SEPTIN9: variants seen among roughly 807,000 people sequenced by gnomAD.
The protein encoded by SEPTIN9 is septin-9.
SEPTIN9 carries 13 observed loss-of-function variants against 56.6 expected under a neutral mutation model. That is an observed-to-expected ratio of 0.23 (90% CI 0.15 to 0.37). The LOEUF (loss-of-function observed/expected upper bound fraction) is 0.37, where lower values mean the gene tolerates loss of function less well. Among genes scored for constraint, SEPTIN9 ranks in the 10% least tolerant of loss-of-function variants. The pLI is 1.00. For synonymous variants in SEPTIN9, 332 were observed against 334.1 expected (o/e 0.99, Z 0.07); for missense variants, 650 against 823.1 (o/e 0.79, Z 2.57).
chr17:77,495,546 G>A (rs1407573315), intron 10 of SEPTIN9, among the ~76,000 whole-genome samples: 2 of 152,226 alleles, frequency 1.3e-5, no homozygotes, highest in East Asian at 3.8e-4. Flanking sequence ...GTCCCTGAGA[G>A]GCGGGTGACG....
intron 2 of SEPTIN9, among the ~76,000 whole-genome samples, chr17:77,368,575 G>A (rs570738730): frequency 9.2e-5 from 14 of 152,286 alleles, no homozygotes; most frequent in East Asian, 5.8e-4. Flanking sequence ...GCCTTCCAAA[G>A]TGCTGGGATT....
chr17:77,461,358 G>T (rs1028240173), intron 3 of SEPTIN9, among the ~76,000 whole-genome samples: 3 of 152,142 alleles, frequency 2.0e-5, no homozygotes, highest in Non-Finnish European at 4.4e-5. Flanking sequence ...GGACCTCTGT[G>T]TCCATTGGCT....
At chr17:77,343,301 T>G (rs1402507981) in intron 2 of SEPTIN9, among the ~76,000 whole-genome samples, 2 of 152,188 alleles carry the variant, frequency 1.3e-5, no homozygotes, top group Non-Finnish European at 2.9e-5. Flanking sequence ...TTTCATGTCA[T>G]GCTTATGTAG....
chr17:77,346,511 A>G (rs1280444942), intron 2 of SEPTIN9, among the ~76,000 whole-genome samples: 2 of 151,826 alleles, frequency 1.3e-5, no homozygotes, highest in East Asian at 1.9e-4. Context: ...TCTTAGAGCT[A>G]TTGATTTCTA....
intron 2 of SEPTIN9, among the ~76,000 whole-genome samples, chr17:77,363,464 T>C (rs984844177): frequency 1.5e-5 from 2 of 132,830 alleles, no homozygotes; most frequent in African/African-American, 5.6e-5. Flanking sequence ...CTTGGCTCAC[T>C]ACCACCTCTG....
chr17:77,364,599 G>C lies in SEPTIN9; in HGVS notation c.77-37460G>C, dbSNP rs79601164. On this transcript the variant is annotated intron_variant, in intron 2 of 11. Transcript: ENST00000427177. ...AGATGGTCAGTGGCAGTGAGGAGAGGGGGGCAGGAAGAGACCAGGGCTGGG... is the reference window on the plus strand; with the variant it reads ...AGATGGTCAGTGGCAGTGAGGAGAGCGGGGCAGGAAGAGACCAGGGCTGGG... 7.3e-3 allele frequency among the ~76,000 whole-genome samples: 1,115 copies of C among 152,328 alleles called. 17 individuals are homozygous for C. The highest frequency in any genetic ancestry group is 0.026 in the African/African-American group (1,062 of 41,568).
chr17:77,325,513 T>C (rs2033100189), intron 2 of SEPTIN9, among the ~76,000 whole-genome samples: 1 of 152,146 alleles, frequency 6.6e-6, no homozygotes, highest in Non-Finnish European at 1.5e-5. Flanking sequence ...ACGTGCTCCC[T>C]ACCGGGAAAG....
rs2037356836 is a variant in SEPTIN9 at position 77,436,791 on chromosome 17, C to T, written c.721+34088C>T. On this transcript the variant is annotated intron_variant, in intron 3 of 11. Coordinates refer to ENST00000427177, the MANE Select transcript of SEPTIN9 (RefSeq NM_001113491.2). This position sits in a 1 kb window ranked among gnomAD's most constrained non-coding sequence, Gnocchi z 4.4. ...GGGGGTTCCTGCAGGGTGAGCTGCC[C>T]ATTCTGGCCCTGGTAAGGACACCCA... Among the ~76,000 whole-genome samples the T allele has an allele frequency of 6.6e-6, 1 of 152,242 alleles. No individual in the cohort carries two copies. The highest frequency in any genetic ancestry group is 1.5e-5 in the Non-Finnish European group (1 of 68,040).
intron 3 of SEPTIN9, among the ~76,000 whole-genome samples, chr17:77,459,413 G>A (rs150996605): frequency 8.1e-4 from 123 of 152,344 alleles, no homozygotes; most frequent in African/African-American, 2.8e-3. Flanking sequence ...AGATGCGGCT[G>A]TGGTTAAGAC....
chr17:77,487,681 T>G lies in SEPTIN9; in HGVS notation c.1042+129T>G. Reference sequence around the variant, plus strand: ...GCTGGGGGTGCAGGACTCCTCTGCCTTCCTGGAGCACAGAGTGGGGGGTCA... The same window carrying G: ...GCTGGGGGTGCAGGACTCCTCTGCCGTCCTGGAGCACAGAGTGGGGGGTCA... On this transcript the variant is annotated intron_variant, in intron 5 of 11. Transcript: ENST00000427177. This position sits in a 1 kb window ranked among gnomAD's most constrained non-coding sequence, Gnocchi z 4.3. 4 of 673,792 alleles carry G rather than the reference T, an allele frequency of 5.9e-6. 1 individual carries two copies. Among genetic ancestry groups the G allele is most frequent in the Non-Finnish European group, 8.6e-6 (4 of 467,696 alleles). 41.7% of individuals were successfully genotyped at this position (673,792 alleles called of 1,614,324 possible).
At chr17:77,386,518 G>A (rs1244613800) in intron 2 of SEPTIN9, among the ~76,000 whole-genome samples, 1 of 152,200 alleles carries the variant, frequency 6.6e-6, no homozygotes, top group South Asian at 2.1e-4. Flanking sequence ...GGGGGTGGGG[G>A]TACCTTGCTC....
Position 77,320,275 on chromosome 17 carries a change from G to T in SEPTIN9, c.76+13078G>T, listed in dbSNP as rs566301461. ...CGACGGGGGTGAGAAAGGGGAGGCCGCCTCTGAGCGGGACGCCGGGACTCC... is the reference window on the plus strand; with the variant it reads ...CGACGGGGGTGAGAAAGGGGAGGCCTCCTCTGAGCGGGACGCCGGGACTCC... On this transcript the variant is annotated intron_variant, in intron 2 of 11. Transcript: ENST00000427177. 2.9e-5 allele frequency: 46 copies of T among 1,611,840 alleles called. No homozygotes were observed. The East Asian group carries it at 3.6e-4, about 12-fold the overall frequency.
intron 10 of SEPTIN9, among the ~76,000 whole-genome samples, chr17:77,494,219 C>T (rs2040158869): frequency 6.6e-6 from 1 of 152,200 alleles, no homozygotes; most frequent in African/African-American, 2.4e-5. Context: ...GTTCCAAGGC[C>T]TGGACCTTGA....
In SEPTIN9 at chr17:77,498,950, A is replaced by C. The variant is rs969365048; in HGVS notation, c.*292A>C. 2 of 554,692 alleles carry C rather than the reference A, an allele frequency of 3.6e-6. No individual in the cohort carries two copies. Among genetic ancestry groups the C allele is most frequent in the South Asian group, 1.5e-5 (1 of 65,432 alleles). 34.4% of individuals were successfully genotyped at this position (554,692 alleles called of 1,614,324 possible). Reference sequence around the variant, plus strand: ...CCCAGGCCTGGCTCCCCGAGGGCTCAGAAGAGCAGCTTCGGTGTGCAGATC... The same window carrying C: ...CCCAGGCCTGGCTCCCCGAGGGCTCCGAAGAGCAGCTTCGGTGTGCAGATC... On this transcript the variant is annotated 3_prime_UTR_variant, in exon 12 of 12. Coordinates refer to ENST00000427177, the MANE Select transcript of SEPTIN9 (RefSeq NM_001113491.2).
intron 2 of SEPTIN9, chr17:77,373,565 C>G: frequency 1.9e-6 from 3 of 1,544,398 alleles, no homozygotes; most frequent in Admixed American, 2.0e-5. Flanking sequence ...GGGTGCTGGG[C>G]TGGCTGCTGC....
intron 2 of SEPTIN9, among the ~76,000 whole-genome samples, chr17:77,379,750 G>GTA (rs2035071726): frequency 3.9e-5 from 6 of 152,246 alleles, no homozygotes. Flanking sequence ...AGTCTCCTTG[G>GTA]TGTATAGCCT....
chr17:77,352,440 C>T (rs1158625343), intron 2 of SEPTIN9, among the ~76,000 whole-genome samples: 2 of 114,022 alleles, frequency 1.8e-5, no homozygotes, highest in African/African-American at 3.4e-5. Flanking sequence ...CAAAAACATC[C>T]GAAATGTCTT....
intron 1 of SEPTIN9, among the ~76,000 whole-genome samples, chr17:77,295,330 G>A (rs1158843270): frequency 6.6e-6 from 1 of 152,126 alleles, no homozygotes; most frequent in Non-Finnish European, 1.5e-5. Flanking sequence ...CCCCTAGGTG[G>A]GGATGAGAGG....
rs1202148832 is a variant in SEPTIN9, at chr17:77,425,950, G to T, written c.721+23247G>T. Among the ~76,000 whole-genome samples the T allele has an allele frequency of 6.6e-6, 1 of 152,226 alleles. No individual in the cohort carries two copies. Among genetic ancestry groups the T allele is most frequent in the East Asian group, 1.9e-4 (1 of 5,186 alleles). On this transcript the variant is annotated intron_variant, in intron 3 of 11. Coordinates refer to ENST00000427177, the MANE Select transcript of SEPTIN9 (RefSeq NM_001113491.2). The surrounding 1 kb of genome is among the most constrained non-coding windows in gnomAD (Gnocchi z 4.2). ...CCCGCAGGGCCCTGTGCAGAGGGGA[G>T]TGTGTGCGGCTGTGAGTTCAGGCCA...
Sources: allele counts gnomAD v4.1 joint callset (sites outside exome capture counted in the v4.1 genomes callset), GRCh38; gene constraint gnomAD v4.1.1; non-coding constraint Gnocchi (gnomAD v3.1); transcripts MANE v1.5; gene names NCBI Gene and HGNC (gene_info 2026-07-23, HGNC 2026-07-21).